Variants in ATP6V1H observed in about 807,000 individuals in gnomAD.
The protein encoded by ATP6V1H is V-type proton ATPase subunit H.
A neutral mutation model predicts 71.7 loss-of-function variants in ATP6V1H; 39 were observed. The observed-to-expected ratio is 0.54, with a 90% CI of 0.42 to 0.71. The LOEUF (loss-of-function observed/expected upper bound fraction) is 0.71. ATP6V1H is among the 30% of genes least tolerant of loss of function. The probability of loss-of-function intolerance (pLI) is 0.00; values close to 1 mark genes in which losing one functional copy is unlikely to be tolerated. For synonymous variants in ATP6V1H, 192 were observed against 199.3 expected, an observed-to-expected ratio of 0.96 and a Z score of 0.31; for missense variants, 509 against 594.9, an observed-to-expected ratio of 0.86 and a Z score of 1.50.
intron 2 of ATP6V1H, among the ~76,000 whole-genome samples, chr8:53,834,679 C>G (rs1020272459): frequency 6.6e-6 from 1 of 152,176 alleles, no homozygotes; most frequent in Non-Finnish European, 1.5e-5. Context: ...CTGCCTCAGC[C>G]TCCCAAAGTG....
intron 2 of ATP6V1H, among the ~76,000 whole-genome samples, chr8:53,834,083 GC>G (rs1447919446): frequency 1.3e-5 from 2 of 152,128 alleles, no homozygotes; most frequent in African/African-American, 4.8e-5. Flanking sequence ...AGACCTGCTA[GC>G]CCCCTGTAAG....
At chr8:53,741,061 TAGAA>T (rs565428778) in intron 13 of ATP6V1H, among the ~76,000 whole-genome samples, 7 of 152,110 alleles carry the variant, frequency 4.6e-5, no homozygotes, top group Admixed American at 6.5e-5. Flanking sequence ...GCCATATAAT[TAGAA>T]AGAGAGAGGA....
chr8:53,744,105 G>A (rs1001705112), intron 12 of ATP6V1H, among the ~76,000 whole-genome samples: 2 of 151,864 alleles, frequency 1.3e-5, no homozygotes, highest in Admixed American at 6.6e-5. Flanking sequence ...ACCAGTGACC[G>A]TGCTGCGTGA....
rs142103758 is a variant in ATP6V1H at position 53,811,953 on chromosome 8, A to G, written c.526-736T>C. Reference sequence around the variant, plus strand: ...CTTGGACTTTTGAAAGTTTATTTCTATTAGAATCATGAAATTGTGGTACTT... The same window carrying G: ...CTTGGACTTTTGAAAGTTTATTTCTGTTAGAATCATGAAATTGTGGTACTT... On this transcript the variant is annotated intron_variant, in intron 6 of 13. Transcript: ENST00000359530. Among the ~76,000 whole-genome samples the G allele has an allele frequency of 2.2e-3, 338 of 152,276 alleles. 2 individuals carry two copies. Among genetic ancestry groups the G allele is most frequent in the African/African-American group, 7.9e-3 (327 of 41,558 alleles).
At chr8:53,825,494 A>AT (rs1054513090) in intron 4 of ATP6V1H, among the ~76,000 whole-genome samples, 3 of 152,128 alleles carry the variant, frequency 2.0e-5, no homozygotes, top group Admixed American at 6.5e-5. Flanking sequence ...GAAAAAAAAA[A>AT]CTGCGAAGGG....
chr8:53,763,850 T>C (rs552843470), intron 11 of ATP6V1H, among the ~76,000 whole-genome samples: 1 of 152,298 alleles, frequency 6.6e-6, no homozygotes, highest in African/African-American at 2.4e-5. Flanking sequence ...TGCTGTTGGA[T>C]CTATCAACTG....
chr8:53,767,602 AC>A (rs1808516210), intron 11 of ATP6V1H, among the ~76,000 whole-genome samples: 1 of 152,204 alleles, frequency 6.6e-6, no homozygotes, highest in Non-Finnish European at 1.5e-5. Context: ...AGCAATCAAA[AC>A]AGTGTGGTAC....
Position 53,801,218 on chromosome 8 carries a change from A to C in ATP6V1H, c.677+581T>G, listed in dbSNP as rs547350098. Among the ~76,000 whole-genome samples the C allele has an allele frequency of 2.2e-5, 3 of 138,410 alleles. No homozygotes were observed. In the South Asian group the frequency reaches 6.4e-4, roughly 29 times the overall value. The allele number at this position is 138,410 out of a possible 152,430, so 90.8% of individuals were successfully genotyped here. On this transcript the variant is annotated intron_variant, in intron 8 of 13. Transcript: ENST00000359530. ...CTGTTGATAACCTAAACTCCTCTGT[A>C]GATTTTCTAACAGAGAAACAATGCC...
intron 13 of ATP6V1H, among the ~76,000 whole-genome samples, chr8:53,735,078 G>A (rs1375314218): frequency 6.6e-6 from 1 of 152,182 alleles, no homozygotes; most frequent in East Asian, 1.9e-4. Flanking sequence ...CCTGCCAGCA[G>A]CACAATGCGA....
At chr8:53,780,671 C>G (rs1394584798) in intron 9 of ATP6V1H, among the ~76,000 whole-genome samples, 6 of 152,022 alleles carry the variant, frequency 3.9e-5, no homozygotes, top group Non-Finnish European at 8.8e-5. Context: ...AGGTATATCT[C>G]CTAATGGTAT....
chr8:53,822,265 T>G (rs1810687521), intron 4 of ATP6V1H, among the ~76,000 whole-genome samples: 1 of 152,102 alleles, frequency 6.6e-6, no homozygotes, highest in Non-Finnish European at 1.5e-5. Context: ...AAGAGATCCC[T>G]GGGAAAACTT....
intron 9 of ATP6V1H, among the ~76,000 whole-genome samples, chr8:53,775,199 C>T (rs999426577): frequency 6.6e-5 from 10 of 151,920 alleles, no homozygotes; most frequent in African/African-American, 2.2e-4. Flanking sequence ...TGGAGTTGTT[C>T]GTTCCTCCCG....
chr8:53,780,857 A>G (rs895964618), intron 9 of ATP6V1H, among the ~76,000 whole-genome samples: 1 of 152,202 alleles, frequency 6.6e-6, no homozygotes, highest in African/African-American at 2.4e-5. Context: ...ATGTCCCTAC[A>G]AAGGACATGA....
chr8:53,793,575 T>C (rs1165385862), intron 9 of ATP6V1H, among the ~76,000 whole-genome samples: 2 of 150,920 alleles, frequency 1.3e-5, no homozygotes, highest in Non-Finnish European at 3.0e-5. Flanking sequence ...AGCTGAGGAG[T>C]CCGAGGTTGC....
chr8:53,731,623 T>G (rs1215520029), intron 13 of ATP6V1H, among the ~76,000 whole-genome samples: 1 of 151,006 alleles, frequency 6.6e-6, no homozygotes, highest in Non-Finnish European at 1.5e-5. Context: ...GGGCAGGCAT[T>G]TCTCTCTCGG....
chr8:53,818,769 A>C (rs2130485566), intron 4 of ATP6V1H, among the ~76,000 whole-genome samples: 1 of 152,372 alleles, frequency 6.6e-6, no homozygotes. Context: ...TCTGTCCAAA[A>C]GCATTTTGTT....
chr8:53,832,505 CTGTT>C (rs1811040023), intron 3 of ATP6V1H: 1 of 151,892 alleles, frequency 6.6e-6, no homozygotes, highest in African/African-American at 2.4e-5. Flanking sequence ...TGTAAAAAGA[CTGTT>C]TATCAAAAAG....
chr8:53,722,816 G>C (rs1005583078), intron 13 of ATP6V1H, among the ~76,000 whole-genome samples: 2 of 152,076 alleles, frequency 1.3e-5, no homozygotes, highest in East Asian at 3.9e-4. Flanking sequence ...ATCTAACTGC[G>C]GAATTGCTCA....
intron 11 of ATP6V1H, among the ~76,000 whole-genome samples, chr8:53,763,355 CAA>C (rs1457030922): frequency 6.6e-5 from 10 of 152,082 alleles, no homozygotes; most frequent in African/African-American, 2.4e-4. Flanking sequence ...ATCAAAAGGA[CAA>C]AATATTTAGA....
Sources: allele counts gnomAD v4.1 joint callset (sites outside exome capture counted in the v4.1 genomes callset), GRCh38; gene constraint gnomAD v4.1.1; transcripts MANE v1.5; gene names NCBI Gene and HGNC (gene_info 2026-07-23, HGNC 2026-07-21).